Variants in ARHGAP42 observed in about 807,000 individuals in gnomAD.
ARHGAP42 encodes Rho GTPase activating protein 42, also known as rho GTPase-activating protein 42.
Under a neutral mutation model 125.0 loss-of-function variants are expected in ARHGAP42, and 63 were observed. The observed-to-expected ratio is 0.50, with a 90% CI of 0.41 to 0.62. The LOEUF is 0.62. Ranked by LOEUF, ARHGAP42 falls within the 20% of genes least tolerant of loss-of-function variation. The pLI is 0.00. For missense variants in ARHGAP42, 766 were observed against 1,024.2 expected (o/e 0.75, Z 3.44); for synonymous variants, 339 against 351.0 (o/e 0.97, Z 0.38).
intron 4 of ARHGAP42, among the ~76,000 whole-genome samples, chr11:100,878,918 T>A (rs1018472793): frequency 1.3e-5 from 2 of 151,416 alleles, no homozygotes; most frequent in Non-Finnish European, 2.9e-5. Context: ...ATAAAAATTC[T>A]AGAAGATAAC....
At chr11:100,860,285 G>A (rs1289968510) in intron 4 of ARHGAP42, among the ~76,000 whole-genome samples, 2 of 151,882 alleles carry the variant, frequency 1.3e-5, no homozygotes, top group Non-Finnish European at 2.9e-5. Context: ...TTCCCCATTT[G>A]AGCAGTGCTG....
intron 1 of ARHGAP42, among the ~76,000 whole-genome samples, chr11:100,746,559 G>A (rs1432214895): frequency 6.6e-6 from 1 of 152,190 alleles, no homozygotes; most frequent in East Asian, 1.9e-4. Flanking sequence ...TTTACACCCT[G>A]TTTCAATGGC....
chr11:100,834,771 G>T (rs886794031), intron 3 of ARHGAP42, among the ~76,000 whole-genome samples: 1 of 151,056 alleles, frequency 6.6e-6, no homozygotes, highest in African/African-American at 2.4e-5. Context: ...GATGGAGGAG[G>T]ATGACTTGAG....
chr11:100,736,620 A>G (rs1350940602), intron 1 of ARHGAP42, among the ~76,000 whole-genome samples: 1 of 152,112 alleles, frequency 6.6e-6, no homozygotes, highest in Admixed American at 6.5e-5. Context: ...TTCAAACAAT[A>G]CTCTGGTAGC....
chr11:100,794,793 C>T (rs1281671290), intron 2 of ARHGAP42, among the ~76,000 whole-genome samples: 2 of 152,088 alleles, frequency 1.3e-5, no homozygotes, highest in Admixed American at 6.6e-5. Context: ...TATATGTGTA[C>T]ATTTTACATA....
chr11:100,966,970 C>T (rs1045612101), intron 17 of ARHGAP42, among the ~76,000 whole-genome samples: 3 of 152,090 alleles, frequency 2.0e-5, no homozygotes. Context: ...CCAATTTATG[C>T]TTATTTGAGC....
At chr11:100,942,030 G>A in intron 9 of ARHGAP42, 146 bp downstream of exon 9, 1 of 651,964 alleles carries the variant, frequency 1.5e-6, no homozygotes, top group South Asian at 2.0e-5. Context: ...TCTCATTTTT[G>A]TGACGTGAAT....
At chr11:100,750,029 T>C (rs1862408307) in intron 1 of ARHGAP42, among the ~76,000 whole-genome samples, 1 of 152,162 alleles carries the variant, frequency 6.6e-6, no homozygotes, top group African/African-American at 2.4e-5. Flanking sequence ...TCCTGATTTC[T>C]CACCCCTGAG....
At chr11:100,821,576 C>T (rs1311630356) in intron 3 of ARHGAP42, among the ~76,000 whole-genome samples, 1 of 151,136 alleles carries the variant, frequency 6.6e-6, no homozygotes, top group African/African-American at 2.4e-5. Flanking sequence ...CTATCTTCCT[C>T]CTTTCCTCCC....
intron 4 of ARHGAP42, among the ~76,000 whole-genome samples, chr11:100,911,598 T>A (rs1376082711): frequency 6.6e-6 from 1 of 152,048 alleles, no homozygotes. Flanking sequence ...GAGAGAGACC[T>A]TTAGAAAGGT....
At position 100,988,846 on chromosome 11, in the gene ARHGAP42, G is replaced by C. The variant is rs747794319; in HGVS notation, c.*45G>C. On this transcript the variant is annotated 3_prime_UTR_variant, in exon 24 of 24. Transcript: ENST00000298815. The stretch of plus-strand genomic sequence containing the variant: ...GTATCTTCATGGTATCCATGGTAAC[G>C]AATAAATGCTATGATTTTATCTGAC... 7.2e-7 allele frequency: 1 copy of C among 1,384,286 alleles called. No individual in the cohort carries two copies. Among genetic ancestry groups the C allele is most frequent in the Admixed American group, 2.0e-5 (1 of 50,524 alleles). The allele number at this position is 1,384,286 out of a possible 1,614,324, so 85.8% of individuals were successfully genotyped here.
intron 1 of ARHGAP42, among the ~76,000 whole-genome samples, chr11:100,692,327 A>G (rs1861205199): frequency 6.6e-6 from 1 of 152,240 alleles, no homozygotes; most frequent in African/African-American, 2.4e-5. Context: ...CATTCATGCA[A>G]TCTTAAAAGC....
At chr11:100,826,921 T>TA (rs200485222) in intron 3 of ARHGAP42, among the ~76,000 whole-genome samples, 1 of 151,540 alleles carries the variant, frequency 6.6e-6, no homozygotes, top group African/African-American at 2.4e-5. Flanking sequence ...ACATGGATTT[T>TA]AAAAAAAGAG....
chr11:100,908,848 A>G (rs1291541197), intron 4 of ARHGAP42, among the ~76,000 whole-genome samples: 1 of 152,140 alleles, frequency 6.6e-6, no homozygotes, highest in Non-Finnish European at 1.5e-5. Context: ...AATAATTTAT[A>G]TTTCCACCAG....
At chr11:100,848,785 C>T (rs368976249) in intron 3 of ARHGAP42, among the ~76,000 whole-genome samples, 1 of 152,076 alleles carries the variant, frequency 6.6e-6, no homozygotes, top group Admixed American at 6.6e-5. Context: ...CTTTTCTTTC[C>T]CACTAAATAT....
chr11:100,766,222 G>GGT (rs145892062), intron 1 of ARHGAP42, among the ~76,000 whole-genome samples: 7,006 of 149,212 alleles, frequency 0.047, 226 homozygotes, highest in African/African-American at 0.1. Context: ...AAGGATGTGG[G>GGT]GTGTGTGTGT....
At chr11:100,904,776 C>T (rs1307099760) in intron 4 of ARHGAP42, among the ~76,000 whole-genome samples, 2 of 152,218 alleles carry the variant, frequency 1.3e-5, no homozygotes, top group African/African-American at 2.4e-5. Context: ...TCTGCTGTGC[C>T]TGTCATAAGC....
At chr11:100,863,410 T>C (rs987791815) in intron 4 of ARHGAP42, among the ~76,000 whole-genome samples, 2 of 152,190 alleles carry the variant, frequency 1.3e-5, no homozygotes, top group Non-Finnish European at 2.9e-5. Context: ...TGGAAAATGC[T>C]GAGTCAAAGT....
At chr11:100,903,293 T>C (rs1211653023) in intron 4 of ARHGAP42, among the ~76,000 whole-genome samples, 2 of 152,142 alleles carry the variant, frequency 1.3e-5, no homozygotes, top group Non-Finnish European at 2.9e-5. Context: ...AAAAAATACA[T>C]CTGTTATTTT....
Sources: allele counts gnomAD v4.1 joint callset (sites outside exome capture counted in the v4.1 genomes callset), GRCh38; gene constraint gnomAD v4.1.1; transcripts MANE v1.5; gene names NCBI Gene and HGNC (gene_info 2026-07-23, HGNC 2026-07-21).